Variants in AGBL1 observed in about 807,000 individuals in gnomAD.
AGBL1 encodes the protein cytosolic carboxypeptidase 4.
In AGBL1, 130 loss-of-function variants were observed where a neutral mutation model predicts 118.9. The observed-to-expected ratio is 1.09, with a 90% CI of 0.95 to 1.26. The LOEUF (loss-of-function observed/expected upper bound fraction) is 1.26, where lower values mean the gene tolerates loss of function less well. Among genes scored for constraint, AGBL1 ranks in the 50% most tolerant of loss-of-function variants. The pLI, the probability that AGBL1 is intolerant of heterozygous loss-of-function variation, is 0.00. For missense variants in AGBL1, 1,584 were observed against 1,298.1 expected, an observed-to-expected ratio of 1.22 and a Z score of -3.38; for synonymous variants, 555 against 478.9, an observed-to-expected ratio of 1.16 and a Z score of -2.08.
At chr15:86,604,891 G>A (rs1272458079) in intron 21 of AGBL1, among the ~76,000 whole-genome samples, 1 of 150,884 alleles carries the variant, frequency 6.6e-6, no homozygotes, top group African/African-American at 2.4e-5. Flanking sequence ...CGCCTCCTGG[G>A]TTCAAACAAT....
chr15:86,983,648 C>G (rs927989674), intron 23 of AGBL1, among the ~76,000 whole-genome samples: 1 of 152,192 alleles, frequency 6.6e-6, no homozygotes, highest in African/African-American at 2.4e-5. Context: ...ATAGAGAACA[C>G]AGACTTGTTA....
chr15:86,512,857 T>C (rs554634439), intron 18 of AGBL1, among the ~76,000 whole-genome samples: 1 of 151,862 alleles, frequency 6.6e-6, no homozygotes, highest in East Asian at 1.9e-4. Flanking sequence ...TGATATTTTC[T>C]TTTTTTAACC....
At chr15:86,129,052 G>C (rs2076785231) in intron 1 of AGBL1, among the ~76,000 whole-genome samples, 1 of 152,156 alleles carries the variant, frequency 6.6e-6, no homozygotes, top group East Asian at 1.9e-4. Flanking sequence ...TTATCGCCTG[G>C]AATGTGGTGG....
chr15:86,588,212 G>A (rs1236476637), intron 21 of AGBL1, among the ~76,000 whole-genome samples: 1 of 152,150 alleles, frequency 6.6e-6, no homozygotes, highest in Non-Finnish European at 1.5e-5. Flanking sequence ...AAATCAGGAT[G>A]AGCCTGGGTT....
At chr15:87,025,607 T>A (rs1483642867) in intron 24 of AGBL1, among the ~76,000 whole-genome samples, 1 of 151,708 alleles carries the variant, frequency 6.6e-6, no homozygotes, top group East Asian at 1.9e-4. Context: ...GCAATACCCA[T>A]CAAAATACCA....
chr15:86,900,509 T>C (rs1024684482), intron 22 of AGBL1, among the ~76,000 whole-genome samples: 2 of 152,150 alleles, frequency 1.3e-5, no homozygotes, highest in African/African-American at 4.8e-5. Context: ...AACTTGAGTA[T>C]ATTTAGCACA....
At chr15:86,674,506 A>G (rs1435110277) in intron 22 of AGBL1, 70 bp downstream of exon 22, 1 of 1,485,080 alleles carries the variant, frequency 6.7e-7, no homozygotes, top group Non-Finnish European at 9.2e-7. Context: ...CTCAGTAATG[A>G]AAGTCGAGTG....
At chr15:86,395,532 A>G (rs550933283) in intron 17 of AGBL1, among the ~76,000 whole-genome samples, 1 of 152,014 alleles carries the variant, frequency 6.6e-6, no homozygotes, top group Non-Finnish European at 1.5e-5. Context: ...CCTCTTAGAG[A>G]ACAAGGACTA....
chr15:86,625,375 T>TG (rs1451757180), intron 21 of AGBL1, among the ~76,000 whole-genome samples: 5 of 44,594 alleles, frequency 1.1e-4, no homozygotes, highest in African/African-American at 5.6e-4. Flanking sequence ...GTTTTTTTTT[T>TG]TTTGTTTTTG....
chr15:86,269,605 A>T (rs2079124866), intron 13 of AGBL1, among the ~76,000 whole-genome samples: 1 of 152,226 alleles, frequency 6.6e-6, no homozygotes, highest in South Asian at 2.1e-4. Flanking sequence ...ACATTGTATT[A>T]TTGTATCAAA....
intron 17 of AGBL1, among the ~76,000 whole-genome samples, chr15:86,307,855 A>C (rs1488839599): frequency 6.6e-6 from 1 of 152,212 alleles, no homozygotes; most frequent in East Asian, 1.9e-4. Context: ...ACATCTATGT[A>C]TACACAATCC....
intron 24 of AGBL1, among the ~76,000 whole-genome samples, chr15:87,016,310 G>T (rs561689336): frequency 6.6e-6 from 1 of 152,104 alleles, no homozygotes; most frequent in Non-Finnish European, 1.5e-5. Context: ...TGCTATAATA[G>T]AGACAAGAAT....
chr15:86,176,086 A>G (rs2077478127), intron 5 of AGBL1, among the ~76,000 whole-genome samples: 1 of 152,190 alleles, frequency 6.6e-6, no homozygotes. Context: ...GAGGTGTTGA[A>G]TTCCCCAACT....
Position 86,554,478 on chromosome 15 carries a change from G to A in AGBL1, c.2935G>A (p.Val979Met). ...GGTGGTGGTGTGGAGAGAGATGGGG[G>A]TGTCCAGAAGCTACACCATGGAAAG... ...ARVVVWREMG[V>M]SRSYTMESSY... Residue 979 changes from valine (V) to methionine (M), a missense_variant, in exon 21 of 23, where the codon GTG (valine) becomes ATG (methionine). Val to Met is a conservative substitution (Grantham distance 21). Coordinates refer to ENST00000614907, the MANE Select transcript of AGBL1 (RefSeq NM_001386094.1). The A allele has an allele frequency of 2.5e-6, 4 of 1,584,914 alleles. No individual in the cohort carries two copies. The highest frequency in any genetic ancestry group is 3.4e-6 in the Non-Finnish European group (4 of 1,166,316).
At chr15:86,840,468 CAG>C (rs1376709490) in intron 22 of AGBL1, among the ~76,000 whole-genome samples, 1 of 151,996 alleles carries the variant, frequency 6.6e-6, no homozygotes, top group Non-Finnish European at 1.5e-5. Flanking sequence ...TATTTGGAGA[CAG>C]AGTCTCACTC....
intron 24 of AGBL1, among the ~76,000 whole-genome samples, chr15:87,016,043 C>A (rs980692788): frequency 1.2e-4 from 18 of 152,258 alleles, no homozygotes; most frequent in African/African-American, 3.9e-4. Flanking sequence ...TATTGCTTAA[C>A]CAAGTCTGAA....
chr15:87,005,239 C>G (rs541088148), intron 24 of AGBL1, among the ~76,000 whole-genome samples: 2 of 152,266 alleles, frequency 1.3e-5, no homozygotes, highest in East Asian at 1.9e-4. Context: ...GTTGGCCTGC[C>G]TTGCTAGATT....
chr15:86,431,147 C>T (rs948192135), intron 18 of AGBL1, among the ~76,000 whole-genome samples: 3 of 152,182 alleles, frequency 2.0e-5, no homozygotes, highest in Admixed American at 1.3e-4. Flanking sequence ...TAAGATCCCA[C>T]GATGAACCTC....
At chr15:86,866,564 C>T (rs2079633216) in intron 22 of AGBL1, among the ~76,000 whole-genome samples, 1 of 152,182 alleles carries the variant, frequency 6.6e-6, no homozygotes, top group South Asian at 2.1e-4. Context: ...AAATAGAATA[C>T]TACCTCTGGC....
Sources: allele counts gnomAD v4.1 joint callset (sites outside exome capture counted in the v4.1 genomes callset), GRCh38; gene constraint gnomAD v4.1.1; transcripts MANE v1.5; gene names NCBI Gene and HGNC (gene_info 2026-07-23, HGNC 2026-07-21).